CSMD1: variants seen among roughly 807,000 people sequenced by gnomAD.
The protein encoded by CSMD1 is CUB and Sushi multiple domains 1.
CSMD1 carries 213 observed loss-of-function variants against 417.5 expected under a neutral mutation model. The ratio of observed to expected loss-of-function variants is 0.51; its 90% CI spans 0.46 to 0.57. CSMD1 has a LOEUF of 0.57. Ranked by LOEUF, CSMD1 falls within the 20% of genes least tolerant of loss-of-function variation. The probability of loss-of-function intolerance (pLI) is 0.00; values close to 1 mark genes in which losing one functional copy is unlikely to be tolerated. For synonymous variants in CSMD1, 2,862 were observed against 1,736.8 expected (o/e 1.65, Z -16.11); for missense variants, 6,923 against 4,529.7 (o/e 1.53, Z -15.17).
intron 5 of CSMD1, among the ~76,000 whole-genome samples, chr8:3,887,056 C>G (rs1352003028): frequency 6.6e-6 from 1 of 152,164 alleles, no homozygotes; most frequent in African/African-American, 2.4e-5. Flanking sequence ...CATTTTCCCA[C>G]CTACACATCA....
intron 3 of CSMD1, among the ~76,000 whole-genome samples, chr8:4,303,179 T>C (rs1381711192): frequency 6.6e-6 from 1 of 152,136 alleles, no homozygotes. Flanking sequence ...GGCATGAATA[T>C]TGTGGGCTTG....
intron 1 of CSMD1, among the ~76,000 whole-genome samples, chr8:4,695,114 G>C (rs1368264857): frequency 6.6e-6 from 1 of 151,406 alleles, no homozygotes; most frequent in Admixed American, 6.6e-5. Context: ...CCTGGGGTCT[G>C]AACTTCGACC....
At chr8:4,043,389 A>G (rs1459756754) in intron 3 of CSMD1, among the ~76,000 whole-genome samples, 1 of 152,242 alleles carries the variant, frequency 6.6e-6, no homozygotes, top group East Asian at 1.9e-4. Context: ...AGCCACACCA[A>G]TAAACATAGG....
At chr8:4,066,862 C>T (rs559098831) in intron 3 of CSMD1, among the ~76,000 whole-genome samples, 1 of 152,322 alleles carries the variant, frequency 6.6e-6, no homozygotes, top group African/African-American at 2.4e-5. Flanking sequence ...TTGATCACTG[C>T]TGATTTAACA....
At chr8:3,863,790 A>C (rs1804892643) in intron 5 of CSMD1, among the ~76,000 whole-genome samples, 2 of 152,196 alleles carry the variant, frequency 1.3e-5, no homozygotes, top group African/African-American at 4.8e-5. Flanking sequence ...TTTCTGCTTA[A>C]AAATTCTACA....
rs1801623579 is a variant in CSMD1 at position 2,938,180 on chromosome 8, T to A, written c.*405A>T. ...AGGAAAAACAACACAAGAGAACACATATCGTGGTGCCACCATTCTGTCACC... is the reference window on the plus strand; with the variant it reads ...AGGAAAAACAACACAAGAGAACACAAATCGTGGTGCCACCATTCTGTCACC... On this transcript the variant is annotated 3_prime_UTR_variant, in exon 70 of 70. Coordinates refer to ENST00000635120, the MANE Select transcript of CSMD1 (RefSeq NM_033225.6). The A allele has an allele frequency of 6.0e-6, 1 of 165,304 alleles. No homozygotes were observed. The highest frequency in any genetic ancestry group is 1.7e-4 in the East Asian group (1 of 5,824). 10.2% of individuals were successfully genotyped at this position (165,304 alleles called of 1,614,324 possible).
chr8:4,602,886 C>T (rs544519964), intron 2 of CSMD1, among the ~76,000 whole-genome samples: 8 of 151,606 alleles, frequency 5.3e-5, no homozygotes, highest in South Asian at 2.1e-4. Flanking sequence ...AATAATAACG[C>T]TATCATATAA....
intron 4 of CSMD1, among the ~76,000 whole-genome samples, chr8:4,002,209 G>C (rs187448659): frequency 0.014 from 2,155 of 151,408 alleles, 47 homozygotes; most frequent in African/African-American, 0.05. Context: ...CTGTGAGTGT[G>C]TGTGTGTGAG....
At chr8:3,445,315 A>C (rs114509659) in intron 12 of CSMD1, among the ~76,000 whole-genome samples, 69 of 152,276 alleles carry the variant, frequency 4.5e-4, no homozygotes, top group African/African-American at 1.6e-3. Flanking sequence ...GTACTAATAT[A>C]TCCTGGGTAC....
At position 4,810,447 on chromosome 8, in the gene CSMD1, T is replaced by C. The variant is rs185100241; in HGVS notation, c.86-172889A>G. Among the ~76,000 whole-genome samples the C allele has an allele frequency of 5.8e-3, 885 of 152,310 alleles. 9 individuals carry two copies. Among genetic ancestry groups the C allele is most frequent in the African/African-American group, 0.021 (858 of 41,572 alleles). ...CAGGGAAACTAAACAAGGCCTTTTC[T>C]TGCTTTGCCACCTAGTACCACCCGA... On this transcript the variant is annotated intron_variant, in intron 1 of 69. Transcript: ENST00000635120.
At chr8:3,731,804 T>G (rs1013540460) in intron 6 of CSMD1, among the ~76,000 whole-genome samples, 1 of 152,134 alleles carries the variant, frequency 6.6e-6, no homozygotes, top group Non-Finnish European at 1.5e-5. Context: ...TTTGGACATG[T>G]GATGTTTCAT....
At chr8:4,245,970 C>T (rs887185297) in intron 3 of CSMD1, among the ~76,000 whole-genome samples, 14 of 152,052 alleles carry the variant, frequency 9.2e-5, no homozygotes, top group Admixed American at 2.0e-4. Flanking sequence ...CTATCAGGGC[C>T]GTGGACAGGG....
At chr8:4,599,309 C>T (rs887401230) in intron 2 of CSMD1, among the ~76,000 whole-genome samples, 1 of 152,044 alleles carries the variant, frequency 6.6e-6, no homozygotes, top group Non-Finnish European at 1.5e-5. Flanking sequence ...GGCTTCATTA[C>T]TGTGTAGTCA....
chr8:3,223,919 T>G, intron 27 of CSMD1, 52 bp from the exon 28 acceptor site: 1 of 1,588,282 alleles, frequency 6.3e-7, no homozygotes, highest in Non-Finnish European at 8.6e-7. Flanking sequence ...GAAGAACGCC[T>G]GCCAGTCAGT....
chr8:3,137,997 G>T (rs1818206671), intron 41 of CSMD1, among the ~76,000 whole-genome samples: 1 of 152,196 alleles, frequency 6.6e-6, no homozygotes, highest in Non-Finnish European at 1.5e-5. Context: ...GGATGAGGAG[G>T]GCAAATGACC....
chr8:3,913,938 C>T lies in CSMD1; in HGVS notation c.818+83965G>A, dbSNP rs918686297. Among the ~76,000 whole-genome samples, 14 of 151,868 alleles carry T rather than the reference C, an allele frequency of 9.2e-5. No homozygotes were observed. In the South Asian group the frequency reaches 1.0e-3, roughly 11 times the overall value. On this transcript the variant is annotated intron_variant, in intron 5 of 69. Transcript: ENST00000635120. ...CCAGTTTTGGACTCAAATAAATTAA[C>T]GATCACTTTTGACTTCAGATAAAGG...
In CSMD1 at chr8:3,876,295, T is replaced by C. The variant is rs376152953; in HGVS notation, c.818+121608A>G. Among the ~76,000 whole-genome samples, 6 of 152,122 alleles carry C rather than the reference T, an allele frequency of 3.9e-5. No individual in the cohort carries two copies. In the East Asian group the frequency reaches 5.8e-4, roughly 15 times the overall value. ...TTATTTACCTTAGAAGTTTTTAGAATTAGTATGGGAAAAGGTGATGCACAT... is the reference window on the plus strand; with the variant it reads ...TTATTTACCTTAGAAGTTTTTAGAACTAGTATGGGAAAAGGTGATGCACAT... On this transcript the variant is annotated intron_variant, in intron 5 of 69. Transcript: ENST00000635120.
intron 4 of CSMD1, among the ~76,000 whole-genome samples, chr8:4,026,261 T>C (rs1050334039): frequency 2.0e-5 from 3 of 152,280 alleles, no homozygotes; most frequent in East Asian, 1.9e-4. Flanking sequence ...TAAAATAACA[T>C]GTAATGGAAC....
chr8:3,472,145 AC>A (rs1416542893), intron 11 of CSMD1, among the ~76,000 whole-genome samples: 9 of 152,000 alleles, frequency 5.9e-5, no homozygotes, highest in Non-Finnish European at 1.3e-4. Context: ...TTGTAAAGTG[AC>A]TCAAGGGTTC....
Sources: gnomAD v4.1 joint callset for allele counts (sites outside exome capture counted in the v4.1 genomes callset) on GRCh38, gnomAD v4.1.1 for gene constraint, MANE v1.5 for transcripts, NCBI Gene and HGNC (gene_info 2026-07-23, HGNC 2026-07-21) for gene names.